CPS1: variants seen among roughly 807,000 people sequenced by gnomAD.
CPS1 encodes carbamoyl-phosphate synthase [ammonia], mitochondrial.
CPS1 carries 109 observed loss-of-function variants against 174.6 expected under a neutral mutation model. That is an observed-to-expected ratio of 0.62 (90% confidence interval 0.53 to 0.73). CPS1 has a LOEUF of 0.73. Among genes scored for constraint, CPS1 ranks in the 30% least tolerant of loss-of-function variants. The pLI is 0.00. For missense variants in CPS1, 1,689 were observed against 1,821.9 expected (o/e 0.93, Z 1.33); for synonymous variants, 637 against 632.0 (o/e 1.01, Z -0.12).
intron 1 of CPS1, among the ~76,000 whole-genome samples, chr2:210,520,260 C>T (rs1388028576): frequency 6.6e-6 from 1 of 151,886 alleles, no homozygotes; most frequent in Non-Finnish European, 1.5e-5. Context: ...AAACTATTAC[C>T]AGAGTCAAGA....
At chr2:210,487,388 C>T (rs142148467) in intron 1 of CPS1, among the ~76,000 whole-genome samples, 1 of 152,302 alleles carries the variant, frequency 6.6e-6, no homozygotes, top group Non-Finnish European at 1.5e-5. Context: ...CCTTGATATA[C>T]AACAGATTCA....
chr2:210,648,517 G>T lies in CPS1; in HGVS notation c.3381G>T (p.Leu1127Phe). 6.2e-7 allele frequency: 1 copy of T among 1,613,646 alleles called. No individual in the cohort carries two copies. The highest frequency in any genetic ancestry group is 8.5e-7 in the Non-Finnish European group (1 of 1,179,720). The part of the protein sequence containing the change: ...EFAKSVDYPC[L>F]LRPSYVLSGS... Reference sequence around the variant, plus strand: ...CAAAGTCTGTGGACTACCCCTGCTTGTTGAGGCCTTCCTATGTTTTGAGGT... The same window carrying T: ...CAAAGTCTGTGGACTACCCCTGCTTTTTGAGGCCTTCCTATGTTTTGAGGT... The change falls in exon 27 of 38, where the codon TTG becomes TTT. Residue 1127 changes from leucine (L) to phenylalanine (F), a missense_variant. Coordinates refer to ENST00000233072, the MANE Select transcript of CPS1 (RefSeq NM_001875.5).
intron 2 of CPS1, among the ~76,000 whole-genome samples, chr2:210,574,521 G>C (rs1251597475): frequency 6.6e-6 from 1 of 152,094 alleles, no homozygotes; most frequent in East Asian, 1.9e-4. Flanking sequence ...AAATTACAGT[G>C]TATGAAATCT....
intron 7 of CPS1, among the ~76,000 whole-genome samples, chr2:210,588,704 T>C (rs923636641): frequency 3.9e-5 from 6 of 152,022 alleles, no homozygotes; most frequent in Non-Finnish European, 7.4e-5. Context: ...TCTCAGTCTG[T>C]CTCTGTCTAC....
Position 210,490,735 on chromosome 2 carries a change from A to AT in CPS1, c.3+12975dup, listed in dbSNP as rs1323936541. ...GATTTCTTGGGAAATGAATCAATTC[A>AT]TTTTTTGTACCATCAAACTGGGATC... On this transcript the variant is annotated intron_variant, in intron 1 of 38. Coordinates refer to the CPS1 transcript ENST00000430249. Among the ~76,000 whole-genome samples, 3 of 152,250 alleles carry AT rather than the reference A, an allele frequency of 2.0e-5. 1 individual carries two copies. Among genetic ancestry groups the AT allele is most frequent in the Non-Finnish European group, 4.4e-5 (3 of 68,040 alleles).
intron 30 of CPS1, chr2:210,657,302 C>G (rs984841251): frequency 2.0e-5 from 3 of 152,006 alleles, no homozygotes; most frequent in Non-Finnish European, 4.4e-5. Flanking sequence ...ACATTTAGAA[C>G]CTATCATCTT....
Position 210,677,189 on chromosome 2 carries a change from C to T in CPS1, c.4404+53C>T, listed in dbSNP as rs539690507. On this transcript the variant is annotated intron_variant, in intron 37 of 37. Coordinates refer to ENST00000233072, the MANE Select transcript of CPS1 (RefSeq NM_001875.5). ...GGATGGGAGTTTTATTTCTGTGCCT[C>T]CCTTAAGAGTGTAATCAGTAGATGC... 2.9e-5 allele frequency: 45 copies of T among 1,562,214 alleles called. No homozygotes were observed. The African/African-American group carries it at 5.4e-4, about 19-fold the overall frequency.
chr2:210,627,392 T>C (rs1017378744), intron 21 of CPS1, among the ~76,000 whole-genome samples: 16 of 152,262 alleles, frequency 1.1e-4, no homozygotes, highest in African/African-American at 3.9e-4. Flanking sequence ...TTGCCTTCCA[T>C]GTTTAGGGAG....
intron 34 of CPS1, among the ~76,000 whole-genome samples, chr2:210,668,974 C>A (rs4450537): frequency 6.6e-6 from 1 of 152,078 alleles, no homozygotes; most frequent in Admixed American, 6.6e-5. Flanking sequence ...GATTAAATTT[C>A]TCAACTTAAC....
At position 210,579,774 on chromosome 2, in the gene CPS1, T is replaced by C. The variant is rs1210243646; in HGVS notation, c.528+4T>C. On this transcript the variant is annotated splice_donor_region_variant and intron_variant, in intron 5 of 37. Coordinates refer to ENST00000233072, the MANE Select transcript of CPS1 (RefSeq NM_001875.5). ...GACTAAAATAATTCGGGATAAGGTA[T>C]AATCATCATCTTTAGCCAAATCTAT... is the stretch of plus-strand genomic sequence containing the variant. 6.2e-7 allele frequency: 1 copy of C among 1,610,714 alleles called. No homozygotes were observed. Among genetic ancestry groups the C allele is most frequent in the East Asian group, 2.2e-5 (1 of 44,844 alleles).
At chr2:210,512,736 T>TTTTATATATA (rs1279555792) in intron 1 of CPS1, among the ~76,000 whole-genome samples, 1 of 46,770 alleles carries the variant, frequency 2.1e-5, no homozygotes, top group African/African-American at 1.0e-4. Flanking sequence ...TCCAGTAGTT[T>TTTTATATATA]TATATATATA....
chr2:210,490,087 A>G (rs907198940), intron 1 of CPS1, among the ~76,000 whole-genome samples: 5 of 139,650 alleles, frequency 3.6e-5, no homozygotes, highest in African/African-American at 1.3e-4. Context: ...AAGGATGAAG[A>G]AAGAAATAAA....
At chr2:210,671,974 A>T (rs1233904779) in intron 34 of CPS1, 1 of 152,174 alleles carries the variant, frequency 6.6e-6, no homozygotes, top group African/African-American at 2.4e-5. Context: ...ATATTACACA[A>T]TGAGTGAACG....
At chr2:210,609,916 A>G (rs750035252) in intron 19 of CPS1, among the ~76,000 whole-genome samples, 1 of 152,016 alleles carries the variant, frequency 6.6e-6, no homozygotes, top group African/African-American at 2.4e-5. Flanking sequence ...CATGAAAGGC[A>G]GAATTATTTC....
At chr2:210,663,904 G>A (rs1313554042) in intron 33 of CPS1, among the ~76,000 whole-genome samples, 2 of 151,922 alleles carry the variant, frequency 1.3e-5, no homozygotes, top group Non-Finnish European at 2.9e-5. Context: ...GTGCATATCC[G>A]AGTGGCAATA....
intron 21 of CPS1, among the ~76,000 whole-genome samples, chr2:210,627,166 C>A (rs999554843): frequency 2.6e-5 from 4 of 152,108 alleles, no homozygotes; most frequent in Non-Finnish European, 5.9e-5. Context: ...GAGGAATTTG[C>A]CCTTTTCCAA....
chr2:210,589,486 C>T (rs185528840), intron 7 of CPS1, among the ~76,000 whole-genome samples: 66 of 152,026 alleles, frequency 4.3e-4, no homozygotes, highest in African/African-American at 1.6e-3. Flanking sequence ...TGACGTGGGC[C>T]AACTTAACAT....
intron 1 of CPS1, among the ~76,000 whole-genome samples, chr2:210,521,717 A>G (rs1189431176): frequency 1.3e-5 from 2 of 151,986 alleles, no homozygotes; most frequent in Non-Finnish European, 2.9e-5. Flanking sequence ...GCTTGAACTT[A>G]TGAAATAACT....
At chr2:210,572,837 A>T (rs1697550517) in intron 1 of CPS1, among the ~76,000 whole-genome samples, 1 of 152,038 alleles carries the variant, frequency 6.6e-6, no homozygotes, top group Non-Finnish European at 1.5e-5. Context: ...ACACAGTTTG[A>T]TAGATAATCT....
Sources: gnomAD v4.1 joint callset for allele counts (sites outside exome capture counted in the v4.1 genomes callset) on GRCh38, gnomAD v4.1.1 for gene constraint, MANE v1.5 for transcripts, NCBI Gene and HGNC (gene_info 2026-07-23, HGNC 2026-07-21) for gene names.